Variants in PTCH1 observed in about 807,000 individuals in gnomAD.
PTCH1 encodes patched 1.
Under a neutral mutation model 144.6 loss-of-function variants are expected in PTCH1, and 14 were observed. The observed-to-expected ratio is 0.10, with a 90% CI of 0.06 to 0.15. The LOEUF is 0.15. Ranked by LOEUF, PTCH1 falls within the 10% of genes least tolerant of loss-of-function variation. The pLI is 1.00. For synonymous variants in PTCH1, 833 were observed against 793.6 expected, an observed-to-expected ratio of 1.05 and a Z score of -0.83; for missense variants, 1,623 against 1,948.3, an observed-to-expected ratio of 0.83 and a Z score of 3.14.
upstream of PTCH1, among the ~76,000 whole-genome samples, chr9:95,510,454 C>T (rs552058144): frequency 6.6e-6 from 1 of 152,266 alleles, no homozygotes; most frequent in African/African-American, 2.4e-5. Context: ...ACACGCGACC[C>T]TTTGAGGTGG....
At position 95,447,208 on chromosome 9, in the gene PTCH1, G is replaced by T. The variant is rs140417636; in HGVS notation, c.4048C>A (p.Arg1350=). 3 of 1,612,978 alleles carry T rather than the reference G, an allele frequency of 1.9e-6. No homozygotes were observed. Among genetic ancestry groups the T allele is most frequent in the African/African-American group, 2.7e-5 (2 of 75,076 alleles). ...CCCATGGCAGTGGACGCTGGGTTCC[G>T]AGGGTTGTGAGAACGGGCCCCGCGA... The part of the protein sequence containing the change: ...GPRGARSHNP[R]NPASTAMGSS... Residue 1350 remains arginine, a synonymous_variant, in exon 23 of 24, where the codon CGG becomes AGG. Transcript: ENST00000331920.
chr9:95,510,631 A>T (rs1564094576), upstream of PTCH1, among the ~76,000 whole-genome samples: 1 of 151,750 alleles, frequency 6.6e-6, no homozygotes, highest in African/African-American at 2.4e-5. Flanking sequence ...TTTTTTTTTT[A>T]AACGGGGTTG....
intron 19 of PTCH1, among the ~76,000 whole-genome samples, chr9:95,454,031 G>A (rs761311507): frequency 6.6e-6 from 1 of 152,142 alleles, no homozygotes; most frequent in East Asian, 1.9e-4. Flanking sequence ...CAAGCAATTG[G>A]GTGCTACACA....
rs147252508 is a variant in PTCH1 at position 95,450,027 on chromosome 9, C to T, written c.3450-87G>A. On this transcript the variant is annotated intron_variant, in intron 20 of 23. Coordinates refer to ENST00000331920, the MANE Select transcript of PTCH1 (RefSeq NM_000264.5). The stretch of plus-strand genomic sequence containing the variant: ...TGTGCCCGACACAGCAGCATGGCAA[C>T]GCCAGAAATGAACAAAACCCACCCC... 185 of 1,222,848 alleles carry T rather than the reference C, an allele frequency of 1.5e-4. No individual in the cohort carries two copies. In the East Asian group the frequency reaches 4.1e-3, roughly 27 times the overall value. 75.7% of individuals were successfully genotyped at this position (1,222,848 alleles called of 1,614,324 possible).
chr9:95,516,945 A>G (rs1844394982), exon 1 of PTCH1: 1 of 781,338 alleles, frequency 1.3e-6, no homozygotes, highest in Non-Finnish European at 2.0e-6. Flanking sequence ...GGAACGTGCT[A>G]TCAGCACAGC....
At chr9:95,470,426 G>A (rs1394385064) in intron 12 of PTCH1, among the ~76,000 whole-genome samples, 1 of 152,142 alleles carries the variant, frequency 6.6e-6, no homozygotes, top group Non-Finnish European at 1.5e-5. Context: ...GTTTTAATAG[G>A]CACATTCCAA....
chr9:95,483,772 T>A (rs79584930), intron 3 of PTCH1: 1 of 152,202 alleles, frequency 6.6e-6, no homozygotes, highest in African/African-American at 2.4e-5. Flanking sequence ...TAGCCACACA[T>A]CCATGGACAT....
chr9:95,448,250 G>C (rs1035793726), intron 22 of PTCH1, among the ~76,000 whole-genome samples: 1 of 152,212 alleles, frequency 6.6e-6, no homozygotes, highest in Non-Finnish European at 1.5e-5. Flanking sequence ...GGTAGGAGGA[G>C]GACAATTCAG....
chr9:95,446,188 C>G lies in PTCH1; in HGVS notation c.*205G>C. 2.8e-6 allele frequency: 1 copy of G among 353,192 alleles called. No individual in the cohort carries two copies. Among genetic ancestry groups the G allele is most frequent in the South Asian group, 2.3e-5 (1 of 43,898 alleles). 21.9% of individuals were successfully genotyped at this position (353,192 alleles called of 1,614,324 possible). A position where few individuals can be genotyped will look rare whatever the true frequency, so the allele number is the denominator to read the frequency against. On this transcript the variant is annotated 3_prime_UTR_variant, in exon 24 of 24. Coordinates refer to ENST00000331920, the MANE Select transcript of PTCH1 (RefSeq NM_000264.5). The stretch of plus-strand genomic sequence containing the variant: ...TCATACCACTTTACATCCTTCCTTC[C>G]TATATTACACATGTGTACATCTCTT...
chr9:95,498,853 T>A (rs1842957021), intron 2 of PTCH1, among the ~76,000 whole-genome samples: 1 of 152,154 alleles, frequency 6.6e-6, no homozygotes, highest in Non-Finnish European at 1.5e-5. Flanking sequence ...GGCCCTCTGG[T>A]CTCTGGATGT....
intron 20 of PTCH1, chr9:95,451,144 C>A (rs1838426800): frequency 6.6e-6 from 1 of 152,204 alleles, no homozygotes; most frequent in African/African-American, 2.4e-5. Context: ...TACCTCACAG[C>A]TATTGTAAAC....
intron 16 of PTCH1, 198 bp from the exon 17 acceptor site, chr9:95,459,981 C>T (rs1038174642): frequency 3.2e-4 from 208 of 655,282 alleles, no homozygotes; most frequent in Non-Finnish European, 5.2e-4. Flanking sequence ...CAATCACTGG[C>T]GTGTTTATAA....
Position 95,459,693 on chromosome 9 carries a change from C to T in PTCH1, c.2794G>A (p.Val932Ile), listed in dbSNP as rs376084632. The change falls in exon 17 of 24, where the codon GTC becomes ATC. Residue 932 changes from valine to isoleucine, a missense_variant. Coordinates refer to ENST00000331920, the MANE Select transcript of PTCH1 (RefSeq NM_000264.5). ...TTGGCCTGGGAGGCAGCATACGCGA[C>T]GGGGTCGTTGCTGACCCAAGCCGTC... ...YLTAWVSNDPVAYAASQANIR... is the reference protein window; with the variant it reads ...YLTAWVSNDPIAYAASQANIR... 18 of 1,614,174 alleles carry T rather than the reference C, an allele frequency of 1.1e-5. No individual in the cohort carries two copies. The African/African-American group carries it at 1.7e-4, about 16-fold the overall frequency.
Position 95,469,051 on chromosome 9 carries a change from A to G in PTCH1, c.1950T>C (p.Phe650=), listed in dbSNP as rs1164616941. 1 of 1,613,912 alleles carries G rather than the reference A, an allele frequency of 6.2e-7. No homozygotes were observed. ...GCATGGTAATCTGCGTTTCATGGGC[A>G]AAGCTGTGGCTGCTGTAGGGAGGTG... is the stretch of plus-strand genomic sequence containing the variant. The part of the protein sequence containing the change: ...SPPPPYSSHS[F]AHETQITMQS... Residue 650 remains phenylalanine, a synonymous_variant, in exon 14 of 24, where the codon TTT becomes TTC. Transcript: ENST00000331920.
Position 95,476,199 on chromosome 9 carries a change from C to G in PTCH1, c.1603-40G>C, listed in dbSNP as rs2118265983. On this transcript the variant is annotated intron_variant, in intron 11 of 23. Coordinates refer to ENST00000331920, the MANE Select transcript of PTCH1 (RefSeq NM_000264.5). The surrounding 1 kb of genome is among the most constrained non-coding windows in gnomAD (Gnocchi z 4.6). Reference sequence around the variant, plus strand: ...ACACAGCGCTGAGAGCTGCACTGGACATGGTCCCCTTGGAGCACAGACTGT... The same window carrying G: ...ACACAGCGCTGAGAGCTGCACTGGAGATGGTCCCCTTGGAGCACAGACTGT... 6.3e-7 allele frequency: 1 copy of G among 1,597,708 alleles called. No homozygotes were observed. Among genetic ancestry groups the G allele is most frequent in the Non-Finnish European group, 8.5e-7 (1 of 1,173,682 alleles).
intron 2 of PTCH1, among the ~76,000 whole-genome samples, chr9:95,486,365 A>T (rs1461222287): frequency 1.3e-5 from 2 of 152,280 alleles, no homozygotes; most frequent in Admixed American, 1.3e-4. Flanking sequence ...GTGTGTGTTC[A>T]GCACAAAACT....
chr9:95,448,730 GAAAA>G (rs76240653), intron 22 of PTCH1, among the ~76,000 whole-genome samples: 2 of 134,912 alleles, frequency 1.5e-5, no homozygotes, highest in African/African-American at 2.7e-5. Flanking sequence ...ACCTTAAGAG[GAAAA>G]AAAAAAAAAA....
intron 2 of PTCH1, among the ~76,000 whole-genome samples, chr9:95,494,099 A>T (rs2118699144): frequency 6.6e-6 from 1 of 151,992 alleles, no homozygotes; most frequent in African/African-American, 2.4e-5. Context: ...CGCACGGGGC[A>T]TGTGGCAGGC....
intron 2 of PTCH1, among the ~76,000 whole-genome samples, chr9:95,488,711 A>G (rs903569859): frequency 5.9e-5 from 9 of 152,212 alleles, no homozygotes; most frequent in African/African-American, 2.2e-4. Context: ...AGTGAAGGGA[A>G]CAGGCAACAG....
Sources: allele counts gnomAD v4.1 joint callset (sites outside exome capture counted in the v4.1 genomes callset), GRCh38; gene constraint gnomAD v4.1.1; non-coding constraint Gnocchi (gnomAD v3.1); transcripts MANE v1.5; gene names NCBI Gene and HGNC (gene_info 2026-07-23, HGNC 2026-07-21).